Variants in TMEM131 observed in about 807,000 individuals in gnomAD.
TMEM131 encodes the protein 2610524E03Rik.
A neutral mutation model predicts 211.6 loss-of-function variants in TMEM131; 66 were observed. The ratio of observed to expected loss-of-function variants is 0.31; its 90% CI spans 0.26 to 0.38. TMEM131 has a LOEUF of 0.38. Among genes scored for constraint, TMEM131 ranks in the 10% least tolerant of loss-of-function variants. The pLI, the probability that TMEM131 is intolerant of heterozygous loss-of-function variation, is 1.00. For synonymous variants in TMEM131, 844 were observed against 841.3 expected, an observed-to-expected ratio of 1.00 and a Z score of -0.06; for missense variants, 2,036 against 2,299.3, an observed-to-expected ratio of 0.89 and a Z score of 2.34.
At chr2:97,902,819 G>A (rs958025362) in intron 3 of TMEM131, among the ~76,000 whole-genome samples, 38 of 152,096 alleles carry the variant, frequency 2.5e-4, no homozygotes, top group African/African-American at 9.2e-4. Context: ...AAGCAGGCAG[G>A]AAAACATGAA....
intron 3 of TMEM131, among the ~76,000 whole-genome samples, chr2:97,896,633 T>C (rs77443507): frequency 6.6e-6 from 1 of 152,190 alleles, no homozygotes; most frequent in Non-Finnish European, 1.5e-5. Context: ...TTTGTCTCTT[T>C]TGATCTTTGT....
intron 1 of TMEM131, among the ~76,000 whole-genome samples, chr2:97,939,067 G>A (rs550915946): frequency 6.6e-6 from 1 of 152,164 alleles, no homozygotes; most frequent in Admixed American, 6.5e-5. Flanking sequence ...ATGCCCACAA[G>A]AGAAAGCAGG....
chr2:97,757,942 C>CT (rs1678588965), intron 40 of TMEM131, among the ~76,000 whole-genome samples: 2 of 152,102 alleles, frequency 1.3e-5, no homozygotes, highest in South Asian at 4.2e-4. Flanking sequence ...ATCATCCTGG[C>CT]TAACATGGTG....
chr2:97,910,160 C>A (rs915507400), intron 2 of TMEM131, among the ~76,000 whole-genome samples: 1 of 152,102 alleles, frequency 6.6e-6, no homozygotes, highest in South Asian at 2.1e-4. Flanking sequence ...AAATGCAAAT[C>A]AAAACCACAA....
chr2:97,767,426 C>T (rs1679224355), intron 33 of TMEM131, among the ~76,000 whole-genome samples: 1 of 152,150 alleles, frequency 6.6e-6, no homozygotes, highest in Non-Finnish European at 1.5e-5. Context: ...ATATGGGCTA[C>T]AAAGGCATTC....
intron 7 of TMEM131, among the ~76,000 whole-genome samples, chr2:97,841,287 C>T (rs1475888151): frequency 1.3e-5 from 2 of 152,202 alleles, no homozygotes; most frequent in Non-Finnish European, 2.9e-5. Context: ...AGGAATCTCA[C>T]ACTTGAAAAC....
At chr2:97,926,068 C>T (rs975014522) in intron 2 of TMEM131, among the ~76,000 whole-genome samples, 8 of 150,792 alleles carry the variant, frequency 5.3e-5, no homozygotes, top group Non-Finnish European at 8.8e-5. Flanking sequence ...GCCGAGATCG[C>T]GCCACTGCAC....
intron 11 of TMEM131, among the ~76,000 whole-genome samples, chr2:97,825,493 C>T: frequency 6.6e-6 from 1 of 152,104 alleles, no homozygotes; most frequent in Non-Finnish European, 1.5e-5. Context: ...GACTATGGAT[C>T]CCCGGATACA....
At chr2:97,878,059 C>A (rs1235241025) in intron 4 of TMEM131, among the ~76,000 whole-genome samples, 1 of 152,176 alleles carries the variant, frequency 6.6e-6, no homozygotes, top group African/African-American at 2.4e-5. Flanking sequence ...ACAGACACTT[C>A]AAGAGAAGAC....
chr2:97,981,409 T>C (rs1433400368), intron 1 of TMEM131, among the ~76,000 whole-genome samples: 1 of 152,228 alleles, frequency 6.6e-6, no homozygotes, highest in African/African-American at 2.4e-5. Context: ...GTGCCAAACT[T>C]CTTTCCATTA....
In TMEM131 at chr2:97,766,580, G is replaced by A. The variant is rs750787190; in HGVS notation, c.4471C>T (p.Pro1491Ser). ...KPSSLELPYT[P>S]PLESKQRRNL... ...CTACGTTGCTTACTTTCCAAAGGGG[G>A]AGTATATGGTAGTTCTAATGAACTG... The change falls in exon 34 of 41, where the codon CCC (proline) becomes TCC (serine). Residue 1491 changes from proline (P) to serine (S), a missense_variant. Pro to Ser is a moderately conservative substitution (Grantham distance 74). Coordinates refer to ENST00000186436, the MANE Select transcript of TMEM131 (RefSeq NM_015348.2). The A allele has an allele frequency of 6.2e-7, 1 of 1,613,894 alleles. No homozygotes were observed. The highest frequency in any genetic ancestry group is 8.5e-7 in the Non-Finnish European group (1 of 1,179,816).
intron 3 of TMEM131, among the ~76,000 whole-genome samples, chr2:97,906,430 G>A (rs2104359490): frequency 6.6e-6 from 1 of 152,324 alleles, no homozygotes; most frequent in African/African-American, 2.4e-5. Context: ...CCTGTCATCA[G>A]TAGGTACGGA....
chr2:97,887,815 C>G (rs1421610208), intron 4 of TMEM131: 2 of 398,082 alleles, frequency 5.0e-6, no homozygotes, highest in Non-Finnish European at 8.9e-6. Flanking sequence ...AGTCTCTGAA[C>G]CAGAGACTAC....
At chr2:97,795,601 ATCTT>A (rs778514851) in intron 28 of TMEM131, among the ~76,000 whole-genome samples, 8 of 152,162 alleles carry the variant, frequency 5.3e-5, no homozygotes, top group Non-Finnish European at 8.8e-5. Flanking sequence ...TCCTCATTGC[ATCTT>A]TAGGTGTCAA....
rs1251525819 is a variant in TMEM131, at chr2:97,887,740, T to A, written c.359+312A>T. ...TTTTATTCATAAGAAGATTTTTAAA[T>A]AGTAAAAATAAAAATGAAGTGCTAA... On this transcript the variant is annotated intron_variant, in intron 4 of 40. Transcript: ENST00000186436. 2.1e-5 allele frequency: 5 copies of A among 232,764 alleles called. No individual in the cohort carries two copies. The East Asian group carries it at 3.5e-4, about 16-fold the overall frequency. The allele number at this position is 232,764 out of a possible 1,614,324, so 14.4% of individuals were successfully genotyped here. A position where few individuals can be genotyped will look rare whatever the true frequency, so the allele number is the denominator to read the frequency against.
intron 1 of TMEM131, among the ~76,000 whole-genome samples, chr2:97,946,917 T>G (rs1216744151): frequency 6.6e-6 from 1 of 151,298 alleles, no homozygotes; most frequent in East Asian, 2.0e-4. Flanking sequence ...AAATACTGTT[T>G]AAATATTCAA....
intron 1 of TMEM131, among the ~76,000 whole-genome samples, chr2:97,969,776 C>T (rs1679217765): frequency 6.6e-6 from 1 of 152,252 alleles, no homozygotes; most frequent in African/African-American, 2.4e-5. Flanking sequence ...CTACAAGTAG[C>T]TGATATCTAA....
At chr2:97,994,775 T>C (rs541110546) in intron 1 of TMEM131, among the ~76,000 whole-genome samples, 87 of 152,328 alleles carry the variant, frequency 5.7e-4, no homozygotes, top group African/African-American at 1.9e-3. Context: ...ACAATACTAA[T>C]GAGATTTTTA....
intron 1 of TMEM131, among the ~76,000 whole-genome samples, chr2:97,961,679 G>C (rs1363951912): frequency 6.6e-6 from 1 of 152,132 alleles, no homozygotes; most frequent in Non-Finnish European, 1.5e-5. Context: ...CTGACAAAAT[G>C]ATATGTAAAT....
Sources: allele counts gnomAD v4.1 joint callset (sites outside exome capture counted in the v4.1 genomes callset), GRCh38; gene constraint gnomAD v4.1.1; transcripts MANE v1.5; gene names NCBI Gene and HGNC (gene_info 2026-07-23, HGNC 2026-07-21).